Variants in HSPG2 observed in about 807,000 individuals in gnomAD.
HSPG2 encodes the protein heparan sulfate proteoglycan 2.
Under a neutral mutation model 526.6 loss-of-function variants are expected in HSPG2, and 278 were observed. The observed-to-expected ratio is 0.53, with a 90% CI of 0.48 to 0.58. HSPG2 has a LOEUF of 0.58. HSPG2 is among the 20% of genes least tolerant of loss of function. HSPG2 has a pLI of 0.00. For synonymous variants in HSPG2, 2,465 were observed against 2,555.4 expected, an observed-to-expected ratio of 0.96 and a Z score of 1.07; for missense variants, 5,354 against 6,099.5, an observed-to-expected ratio of 0.88 and a Z score of 4.07.
chr1:21,841,508 G>C lies in HSPG2; in HGVS notation c.9328+31C>G, dbSNP rs1367704493. 3 of 1,613,694 alleles carry C rather than the reference G, an allele frequency of 1.9e-6. No homozygotes were observed. The African/African-American group carries it at 4.0e-5, about 22-fold the overall frequency. On this transcript the variant is annotated intron_variant, in intron 70 of 96. Coordinates refer to ENST00000374695, the MANE Select transcript of HSPG2 (RefSeq NM_005529.7). The stretch of plus-strand genomic sequence containing the variant: ...GCTGAGAATCAGGGCTGGAAACAGG[G>C]CAGAGCCCCACAGGGTCAACGTCCC...
chr1:21,936,472 T>C lies in HSPG2; in HGVS notation c.63+683A>G, dbSNP rs1054638028. On this transcript the variant is annotated intron_variant, in intron 1 of 96. Transcript: ENST00000374695. ...CATTCCACGCAGTCCAGCAACGCCC[T>C]GCAGCTATGCATTTTGAGGCCGTGC... 2.0e-5 allele frequency among the ~76,000 whole-genome samples: 3 copies of C among 152,128 alleles called. No individual in the cohort carries two copies. The East Asian group carries it at 5.8e-4, about 29-fold the overall frequency.
chr1:21,936,542 T>A (rs1031781867), intron 1 of HSPG2, among the ~76,000 whole-genome samples: 2 of 152,198 alleles, frequency 1.3e-5, no homozygotes, highest in African/African-American at 4.8e-5. Flanking sequence ...TCAGAGAGGT[T>A]AACTAGCGTG....
rs1418827052 is a variant in HSPG2 at position 21,839,958 on chromosome 1, T to G, written c.9573A>C (p.Leu3191=). 1 of 1,614,012 alleles carries G rather than the reference T, an allele frequency of 6.2e-7. No individual in the cohort carries two copies. The highest frequency in any genetic ancestry group is 8.5e-7 in the Non-Finnish European group (1 of 1,180,038). Residue 3191 remains leucine, a synonymous_variant, in exon 72 of 97, where the codon CTA becomes CTC. Coordinates refer to ENST00000374695, the MANE Select transcript of HSPG2 (RefSeq NM_005529.7). This position sits in a 1 kb window ranked among gnomAD's most constrained non-coding sequence, Gnocchi z 4.5. ...CCTCCACCTGCTTCTGTGCTGTGCC[T>G]AGTGCATTCTGAGCAAGGCACACAT... ...GTYVCLAQNA[L]GTAQKQVEVI... is the part of the protein sequence containing the mutation.
At position 21,857,127 on chromosome 1, in the gene HSPG2, G is replaced by A; in HGVS notation, c.5463C>T (p.Phe1821=). ...CGTTGCGAATGGTCAGGATGCCATT[G>A]AAATCCATGGCTCGGGTGGGCAGTT... ...NGKLPTRAMD[F]NGILTIRNVQ... Residue 1821 remains phenylalanine (F), a synonymous_variant, in exon 44 of 97, where the codon TTC becomes TTT. Coordinates refer to ENST00000374695, the MANE Select transcript of HSPG2 (RefSeq NM_005529.7). 1 of 1,614,190 alleles carries A rather than the reference G, an allele frequency of 6.2e-7. No homozygotes were observed.
rs540136955 is a variant in HSPG2, at chr1:21,878,246, C to T, written c.2625G>A (p.Glu875=). ...TGCCACGCTCGTCACAGCGCACAATCTCCTGGTCTGGGACACAAAACGAGT... is the reference window on the plus strand; with the variant it reads ...TGCCACGCTCGTCACAGCGCACAATTTCCTGGTCTGGGACACAAAACGAGT... The part of the protein sequence containing the change: ...PGGKCRPVNQ[E]IVRCDERGSM... Residue 875 remains glutamate (E), a synonymous_variant, in exon 21 of 97, where the codon GAG becomes GAA. Transcript: ENST00000374695. 6.2e-7 allele frequency: 1 copy of T among 1,614,040 alleles called. No homozygotes were observed. The highest frequency in any genetic ancestry group is 1.3e-5 in the African/African-American group (1 of 75,070).
At chr1:21,863,076 A>AC in intron 37 of HSPG2, among the ~76,000 whole-genome samples, 1 of 141,942 alleles carries the variant, frequency 7.0e-6, no homozygotes, top group Non-Finnish European at 1.5e-5. Context: ...AAAAAAAAAA[A>AC]AAAAAAAAAA....
At chr1:21,926,550 T>G (rs1357994958) in intron 1 of HSPG2, among the ~76,000 whole-genome samples, 1 of 151,886 alleles carries the variant, frequency 6.6e-6, no homozygotes, top group Non-Finnish European at 1.5e-5. Flanking sequence ...GTCAGAAGTT[T>G]GAGACCAGCC....
At chr1:21,827,004 T>TA (rs2097978508) in intron 91 of HSPG2, among the ~76,000 whole-genome samples, 1 of 151,914 alleles carries the variant, frequency 6.6e-6, no homozygotes, top group South Asian at 2.1e-4. Context: ...GGTCAGGAGT[T>TA]AGAGACAGGC....
rs1233295986 is a variant in HSPG2 at position 21,853,061 on chromosome 1, C to T, written c.6449G>A (p.Ser2150Asn). ...SGPSYTPVPG[S>N]TRPIRIEPSS... ...GGGCTCGATGCGGATGGGCCGGGTGCTGCCGGGCACTGGACACAGAGCGGC... is the reference window on the plus strand; with the variant it reads ...GGGCTCGATGCGGATGGGCCGGGTGTTGCCGGGCACTGGACACAGAGCGGC... The change falls in exon 51 of 97, where the codon AGC (serine) becomes AAC (asparagine). Residue 2150 changes from serine (S) to asparagine (N), a missense_variant. Ser to Asn is a conservative substitution (Grantham distance 46). Coordinates refer to ENST00000374695, the MANE Select transcript of HSPG2 (RefSeq NM_005529.7). 11 of 1,613,834 alleles carry T rather than the reference C, an allele frequency of 6.8e-6. No homozygotes were observed. The highest frequency in any genetic ancestry group is 9.3e-6 in the Non-Finnish European group (11 of 1,179,936).
chr1:21,853,456 A>G (rs757575154), intron 50 of HSPG2, among the ~76,000 whole-genome samples: 46 of 152,124 alleles, frequency 3.0e-4, no homozygotes, highest in Non-Finnish European at 6.2e-4. Context: ...AAACCACACC[A>G]TGACTGGCCA....
Position 21,839,729 on chromosome 1 carries a change from G to A in HSPG2, c.9709+93C>T. On this transcript the variant is annotated intron_variant, in intron 72 of 96. Coordinates refer to ENST00000374695, the MANE Select transcript of HSPG2 (RefSeq NM_005529.7). The surrounding 1 kb of genome is among the most constrained non-coding windows in gnomAD (Gnocchi z 4.5). The stretch of plus-strand genomic sequence containing the variant: ...GGTCTCCCCGTACTCCCCACCCCTG[G>A]GCATGACATCATCTCTAGATCACAT... 1 of 1,464,566 alleles carries A rather than the reference G, an allele frequency of 6.8e-7. No homozygotes were observed. Among genetic ancestry groups the A allele is most frequent in the Non-Finnish European group, 9.4e-7 (1 of 1,064,214 alleles). 90.7% of individuals were successfully genotyped at this position (1,464,566 alleles called of 1,614,324 possible).
chr1:21,861,294 G>A (rs1639764239), intron 39 of HSPG2, among the ~76,000 whole-genome samples: 1 of 152,130 alleles, frequency 6.6e-6, no homozygotes, highest in South Asian at 2.1e-4. Flanking sequence ...AGTTAGCCAG[G>A]AACGGGTGGT....
At chr1:21,866,512 C>G (rs1425056104) in intron 33 of HSPG2, among the ~76,000 whole-genome samples, 1 of 152,230 alleles carries the variant, frequency 6.6e-6, no homozygotes, top group Non-Finnish European at 1.5e-5. Context: ...AGATGAGAAG[C>G]TGGAGAACCA....
Position 21,841,155 on chromosome 1 carries a change from A to G in HSPG2, c.9459T>C (p.Pro3153=), listed in dbSNP as rs1479354299. ...SARWTRISST[P]AKLEQRTYGL... The stretch of plus-strand genomic sequence containing the variant: ...CATATGTCCGCTGCTCCAACTTGGC[A>G]GGGGTGCTGCTGATCCGGGTCCAAC... Residue 3153 remains proline, a synonymous_variant, in exon 71 of 97, where the codon CCT becomes CCC. Transcript: ENST00000374695. 3 of 1,613,702 alleles carry G rather than the reference A, an allele frequency of 1.9e-6. No individual in the cohort carries two copies. The highest frequency in any genetic ancestry group is 1.7e-5 in the Admixed American group (1 of 60,024).
chr1:21,902,009 C>T (rs1312491952), intron 1 of HSPG2, among the ~76,000 whole-genome samples: 1 of 152,162 alleles, frequency 6.6e-6, no homozygotes, highest in African/African-American at 2.4e-5. Context: ...GCTTCCCCTA[C>T]TCGGCTGCAA....
At chr1:21,908,602 A>C in intron 1 of HSPG2, 2 of 662,836 alleles carry the variant, frequency 3.0e-6, no homozygotes, top group Non-Finnish European at 5.4e-6. Context: ...AAAAAAAAAA[A>C]GACCTCTGGG....
intron 81 of HSPG2, 63 bp downstream of exon 81, chr1:21,832,432 G>A: frequency 7.5e-7 from 1 of 1,333,362 alleles, no homozygotes; most frequent in Non-Finnish European, 1.1e-6. Context: ...GCCCAGGGTA[G>A]CACTTGCCAG....
chr1:21,863,191 G>T (rs1430751721), intron 37 of HSPG2, among the ~76,000 whole-genome samples: 2 of 150,936 alleles, frequency 1.3e-5, no homozygotes, highest in Non-Finnish European at 2.9e-5. Context: ...GCTGACACAG[G>T]TGAAACCCCG....
Position 21,854,872 on chromosome 1 carries a change from G to A in HSPG2, c.6109C>T (p.Arg2037Trp), listed in dbSNP as rs574725401. 8 of 1,614,076 alleles carry A rather than the reference G, an allele frequency of 5.0e-6. No homozygotes were observed. In the African/African-American group the frequency reaches 8.0e-5, roughly 16 times the overall value. Residue 2037 changes from arginine to tryptophan, a missense_variant, in exon 48 of 97, where the codon CGG becomes TGG. Coordinates refer to ENST00000374695, the MANE Select transcript of HSPG2 (RefSeq NM_005529.7). ...CCTGAAAGGACAACCACTTGGATCC[G>A]GGCCTGGGCAGTGCCTGCAGGGCTG... ...ATSPAGTAQA[R>W]IQVVVLSASD...
Sources: allele counts gnomAD v4.1 joint callset (sites outside exome capture counted in the v4.1 genomes callset), GRCh38; gene constraint gnomAD v4.1.1; non-coding constraint Gnocchi (gnomAD v3.1); transcripts MANE v1.5; gene names NCBI Gene and HGNC (gene_info 2026-07-23, HGNC 2026-07-21).